The following CFAP77 variants were observed in gnomAD, a reference collection of about 807,000 sequenced individuals.
CFAP77 encodes the protein cilia and flagella associated protein 77.
In CFAP77, 25 loss-of-function variants were observed where a neutral mutation model predicts 31.1. That is an observed-to-expected ratio of 0.80 (90% CI 0.59 to 1.12). The LOEUF (loss-of-function observed/expected upper bound fraction) is 1.12. CFAP77 is among the 50% of genes most tolerant of loss of function. CFAP77 has a pLI of 0.00. For synonymous variants in CFAP77, 151 were observed against 159.9 expected (o/e 0.94, Z 0.42); for missense variants, 377 against 397.3 (o/e 0.95, Z 0.44).
intron 1 of CFAP77, among the ~76,000 whole-genome samples, chr9:132,464,634 C>A (rs1003797369): frequency 6.6e-6 from 1 of 152,206 alleles, no homozygotes; most frequent in African/African-American, 2.4e-5. Flanking sequence ...GTTTTCCATT[C>A]CTTTTTTGGC....
At chr9:132,473,726 C>G (rs1430821843) in intron 1 of CFAP77, among the ~76,000 whole-genome samples, 1 of 152,192 alleles carries the variant, frequency 6.6e-6, no homozygotes, top group African/African-American at 2.4e-5. Flanking sequence ...TCTTGTCACC[C>G]AGGCTGGAGC....
At chr9:132,530,511 G>A (rs1430942238) in intron 3 of CFAP77, among the ~76,000 whole-genome samples, 1 of 152,142 alleles carries the variant, frequency 6.6e-6, no homozygotes, top group African/African-American at 2.4e-5. Flanking sequence ...CTGACCTCAG[G>A]TGATCTGCCC....
chr9:132,568,764 A>C (rs1040079785), intron 5 of CFAP77, among the ~76,000 whole-genome samples: 7 of 152,076 alleles, frequency 4.6e-5, no homozygotes, highest in African/African-American at 1.7e-4. Context: ...CAGTGGCATG[A>C]CAATGGCTCA....
intron 1 of CFAP77, among the ~76,000 whole-genome samples, chr9:132,451,179 A>G (rs1850819784): frequency 6.6e-6 from 1 of 152,084 alleles, no homozygotes; most frequent in African/African-American, 2.4e-5. Flanking sequence ...TCTACTATGA[A>G]TACAAAAAAT....
intron 5 of CFAP77, among the ~76,000 whole-genome samples, chr9:132,551,457 G>A (rs943145845): frequency 2.0e-5 from 3 of 152,072 alleles, no homozygotes; most frequent in Non-Finnish European, 4.4e-5. Context: ...CACCACGCCC[G>A]GCTAATTTTT....
chr9:132,543,317 G>A (rs1852677051), intron 5 of CFAP77, among the ~76,000 whole-genome samples: 2 of 152,246 alleles, frequency 1.3e-5, no homozygotes, highest in African/African-American at 2.4e-5. Flanking sequence ...CTGCGGAGTG[G>A]CAGAGTCTTG....
chr9:132,410,486 C>T lies in CFAP77; in HGVS notation c.195+20C>T, dbSNP rs1849972069. 5 of 1,535,550 alleles carry T rather than the reference C, an allele frequency of 3.3e-6. No individual in the cohort carries two copies. Among genetic ancestry groups the T allele is most frequent in the Non-Finnish European group, 4.4e-6 (5 of 1,148,284 alleles). On this transcript the variant is annotated intron_variant, in intron 1 of 5. Coordinates refer to ENST00000393216, the MANE Select transcript of CFAP77 (RefSeq NM_001282957.2). ...GTCAAGGTGAGCACCCCACGCCCAC[C>T]GCGCTTTCGCTGTCGCCGGCTCCGG... is the stretch of plus-strand genomic sequence containing the variant.
At chr9:132,502,411 GT>G (rs963647499) in intron 3 of CFAP77, among the ~76,000 whole-genome samples, 23 of 151,952 alleles carry the variant, frequency 1.5e-4, no homozygotes, top group African/African-American at 5.1e-4. Flanking sequence ...CATTCACGTC[GT>G]TGTGTGACCG....
At chr9:132,411,860 TACACACACACAC>T (rs3079550) in intron 1 of CFAP77, among the ~76,000 whole-genome samples, 18 of 149,664 alleles carry the variant, frequency 1.2e-4, no homozygotes, top group East Asian at 7.9e-4. Flanking sequence ...GAGCAATATG[TACACACACACAC>T]ACACACACAC....
At chr9:132,518,420 A>G (rs764537007) in intron 3 of CFAP77, among the ~76,000 whole-genome samples, 9 of 152,068 alleles carry the variant, frequency 5.9e-5, no homozygotes, top group Non-Finnish European at 1.2e-4. Flanking sequence ...GGCCAGGGGA[A>G]CCCGGATTCG....
At chr9:132,505,254 G>A (rs1215793954) in intron 3 of CFAP77, among the ~76,000 whole-genome samples, 1 of 152,180 alleles carries the variant, frequency 6.6e-6, no homozygotes, top group East Asian at 1.9e-4. Context: ...GGTGAGGGGT[G>A]CACCCCCTCT....
At chr9:132,558,577 C>T (rs190688002) in intron 5 of CFAP77, among the ~76,000 whole-genome samples, 3 of 151,836 alleles carry the variant, frequency 2.0e-5, no homozygotes, top group South Asian at 2.1e-4. Flanking sequence ...TGGTGGCAGG[C>T]GCCTGTAATC....
Position 132,499,628 on chromosome 9 carries a change from T to A in CFAP77, c.524+28T>A. The A allele has an allele frequency of 6.2e-7, 1 of 1,603,884 alleles. No individual in the cohort carries two copies. Among genetic ancestry groups the A allele is most frequent in the Non-Finnish European group, 8.5e-7 (1 of 1,170,840 alleles). On this transcript the variant is annotated intron_variant, in intron 3 of 5. Transcript: ENST00000393216. This position sits in a 1 kb window ranked among gnomAD's most constrained non-coding sequence, Gnocchi z 5.4. ...AAGGTGGCTGGCAGCCAGGGCTTCA[T>A]CCCTTGAGGGGGTGGAGGTACCAGC...
intron 1 of CFAP77, among the ~76,000 whole-genome samples, chr9:132,479,447 G>C (rs945254087): frequency 6.6e-6 from 1 of 152,212 alleles, no homozygotes; most frequent in Non-Finnish European, 1.5e-5. Context: ...GTGCATGGGG[G>C]AGGGCCTTGG....
chr9:132,425,811 G>C (rs1850303650), intron 1 of CFAP77, among the ~76,000 whole-genome samples: 1 of 152,176 alleles, frequency 6.6e-6, no homozygotes, highest in South Asian at 2.1e-4. Flanking sequence ...AAACACACAT[G>C]GAATAATTTC....
At chr9:132,528,737 C>A (rs1852384497) in intron 3 of CFAP77, among the ~76,000 whole-genome samples, 1 of 76,118 alleles carries the variant, frequency 1.3e-5, no homozygotes. Flanking sequence ...ATTTATGCAG[C>A]CAAAAAACAC....
rs908725452 is a variant in CFAP77 at position 132,481,962 on chromosome 9, G to T, written c.196-16733G>T. 9.2e-5 allele frequency among the ~76,000 whole-genome samples: 8 copies of T among 87,368 alleles called. No individual in the cohort carries two copies. The highest frequency in any genetic ancestry group is 6.0e-3 in the Middle Eastern group (1 of 166). The allele number at this position is 87,368 out of a possible 152,430, so 57.3% of individuals were successfully genotyped here. On this transcript the variant is annotated intron_variant, in intron 1 of 5. Coordinates refer to ENST00000393216, the MANE Select transcript of CFAP77 (RefSeq NM_001282957.2). The surrounding 1 kb of genome is among the most constrained non-coding windows in gnomAD (Gnocchi z 5.0). ...GGAAGGAACAAGGGTTTATGGTTGG[G>T]GGGGGGGGGGGCGGCGGAACACTGA...
intron 1 of CFAP77, among the ~76,000 whole-genome samples, chr9:132,420,416 G>A (rs1380273913): frequency 6.6e-6 from 1 of 151,626 alleles, no homozygotes; most frequent in Non-Finnish European, 1.5e-5. Context: ...ACTTTGAGAG[G>A]CCGAGGTGGG....
chr9:132,505,000 G>A (rs1256489683), intron 3 of CFAP77, among the ~76,000 whole-genome samples: 1 of 152,192 alleles, frequency 6.6e-6, no homozygotes, highest in Non-Finnish European at 1.5e-5. Context: ...GTGTTGGGGA[G>A]GTTTGGTCCA....
Sources: allele counts gnomAD v4.1 joint callset (sites outside exome capture counted in the v4.1 genomes callset), GRCh38; gene constraint gnomAD v4.1.1; non-coding constraint Gnocchi (gnomAD v3.1); transcripts MANE v1.5; gene names NCBI Gene and HGNC (gene_info 2026-07-23, HGNC 2026-07-21).